PTPRN2: variants seen among roughly 807,000 people sequenced by gnomAD.
The protein encoded by PTPRN2 is receptor-type tyrosine-protein phosphatase N2.
A neutral mutation model predicts 118.8 loss-of-function variants in PTPRN2; 74 were observed. The ratio of observed to expected loss-of-function variants is 0.62; its 90% CI spans 0.52 to 0.76. The LOEUF (loss-of-function observed/expected upper bound fraction) is 0.76, where lower values mean the gene tolerates loss of function less well. Ranked by LOEUF, PTPRN2 falls within the 30% of genes least tolerant of loss-of-function variation. The pLI is 0.00. For missense variants in PTPRN2, 1,481 were observed against 1,394.4 expected (o/e 1.06, Z -0.99); for synonymous variants, 641 against 608.0 (o/e 1.05, Z -0.80).
chr7:158,090,323 G>A (rs909242218), intron 10 of PTPRN2, among the ~76,000 whole-genome samples: 1 of 152,244 alleles, frequency 6.6e-6, no homozygotes, highest in Non-Finnish European at 1.5e-5. Context: ...GCCGCTAGGA[G>A]TCATCTCCCA....
intron 12 of PTPRN2, among the ~76,000 whole-genome samples, chr7:157,877,197 C>CG: frequency 6.9e-6 from 1 of 144,020 alleles, no homozygotes; most frequent in Non-Finnish European, 1.5e-5. Flanking sequence ...TCGGGGACCC[C>CG]GGGTCCGAGT....
chr7:157,605,215 C>G (rs988145049), intron 15 of PTPRN2, among the ~76,000 whole-genome samples: 1 of 152,236 alleles, frequency 6.6e-6, no homozygotes, highest in Non-Finnish European at 1.5e-5. Context: ...CAGTCAGGCA[C>G]GCTGGGTGCT....
chr7:157,789,768 G>A (rs1585473387), intron 12 of PTPRN2, among the ~76,000 whole-genome samples: 1 of 150,260 alleles, frequency 6.7e-6, no homozygotes, highest in Admixed American at 6.6e-5. Context: ...GTATATGTGT[G>A]GTGTGTGTGT....
At chr7:158,071,026 A>T (rs1169518057) in intron 11 of PTPRN2, among the ~76,000 whole-genome samples, 3 of 36,474 alleles carry the variant, frequency 8.2e-5, no homozygotes, top group Admixed American at 3.6e-4. Context: ...CTCGTGGTGG[A>T]GGTGCTCTTA....
intron 21 of PTPRN2, among the ~76,000 whole-genome samples, chr7:157,565,115 A>G (rs1192444022): frequency 6.6e-6 from 1 of 152,248 alleles, no homozygotes; most frequent in Non-Finnish European, 1.5e-5. Context: ...AGATTCGCGG[A>G]AACAAAGAAG....
intron 3 of PTPRN2, among the ~76,000 whole-genome samples, chr7:158,295,863 T>C (rs1387239124): frequency 1.3e-5 from 2 of 152,264 alleles, no homozygotes. Context: ...CACATCTCCA[T>C]AGCACCCAGT....
chr7:157,992,098 G>A (rs919658235), intron 11 of PTPRN2, among the ~76,000 whole-genome samples: 1 of 152,198 alleles, frequency 6.6e-6, no homozygotes. Flanking sequence ...TGTGCCACCC[G>A]AGCTGTCAGG....
At chr7:157,594,767 G>A (rs572641813) in intron 17 of PTPRN2, among the ~76,000 whole-genome samples, 2 of 152,338 alleles carry the variant, frequency 1.3e-5, no homozygotes, top group East Asian at 3.9e-4. Flanking sequence ...ATTCACGTCA[G>A]CCCTCACGTC....
chr7:158,315,823 G>A (rs1264660672), intron 3 of PTPRN2, among the ~76,000 whole-genome samples: 1 of 152,240 alleles, frequency 6.6e-6, no homozygotes, highest in Non-Finnish European at 1.5e-5. Flanking sequence ...CCGTGTGAAT[G>A]TTCTCCAAAG....
chr7:157,555,619 T>A (rs1240113096), intron 21 of PTPRN2, among the ~76,000 whole-genome samples: 1 of 152,266 alleles, frequency 6.6e-6, no homozygotes, highest in Non-Finnish European at 1.5e-5. Flanking sequence ...GGATAATGAC[T>A]GCATGAGCGC....
chr7:158,584,405 G>A (rs556552604), intron 1 of PTPRN2, among the ~76,000 whole-genome samples: 13 of 152,166 alleles, frequency 8.5e-5, no homozygotes, highest in Non-Finnish European at 1.6e-4. Flanking sequence ...AAGGCGGGCC[G>A]GTCGGGAGGA....
chr7:157,987,040 T>G lies in PTPRN2; in HGVS notation c.1724-88303A>C, dbSNP rs1278243289. 6.6e-6 allele frequency among the ~76,000 whole-genome samples: 1 copy of G among 152,122 alleles called. No individual in the cohort carries two copies. The highest frequency in any genetic ancestry group is 1.5e-5 in the Non-Finnish European group (1 of 68,018). On this transcript the variant is annotated intron_variant, in intron 11 of 22. Transcript: ENST00000389418. This position sits in a 1 kb window ranked among gnomAD's most constrained non-coding sequence, Gnocchi z 4.3. ...TAACGGGTTCATGCACTGGAGTAGC[T>G]GCCGGTACACATCTAGGGAGTGATG...
At chr7:158,397,806 C>T (rs552463084) in intron 2 of PTPRN2, among the ~76,000 whole-genome samples, 3 of 152,290 alleles carry the variant, frequency 2.0e-5, no homozygotes, top group South Asian at 2.1e-4. Flanking sequence ...TGAATAAAAA[C>T]AGCTACATGC....
intron 6 of PTPRN2, among the ~76,000 whole-genome samples, chr7:158,164,865 G>A (rs1822787124): frequency 6.6e-6 from 1 of 152,160 alleles, no homozygotes; most frequent in South Asian, 2.1e-4. Context: ...ATGAGAAGCT[G>A]AAGGTCACCT....
intron 9 of PTPRN2, among the ~76,000 whole-genome samples, chr7:158,126,272 CCA>C (rs1439609075): frequency 1.4e-4 from 1 of 7,304 alleles, no homozygotes; most frequent in Admixed American, 8.4e-4. Flanking sequence ...ACACCAGCCC[CCA>C]GGACAGCGGG....
intron 3 of PTPRN2, among the ~76,000 whole-genome samples, chr7:158,294,678 G>T (rs1259256039): frequency 6.6e-6 from 1 of 151,688 alleles, no homozygotes; most frequent in Admixed American, 6.6e-5. Context: ...CCGGGGGAGA[G>T]TGAGAGGCAG....
intron 11 of PTPRN2, among the ~76,000 whole-genome samples, chr7:158,071,747 CATGGTGGAGGTG>C (rs1811824424): frequency 2.7e-5 from 2 of 74,842 alleles, no homozygotes; most frequent in East Asian, 3.8e-4. Flanking sequence ...TGGAGGTGCT[CATGGTGGAGGTG>C]CTCGTGGTGA....
At chr7:157,650,336 A>C (rs1471976199) in intron 14 of PTPRN2, among the ~76,000 whole-genome samples, 1 of 152,226 alleles carries the variant, frequency 6.6e-6, no homozygotes, top group African/African-American at 2.4e-5. Flanking sequence ...GTACCCCTCC[A>C]TGTGCAGGCC....
At chr7:157,718,936 T>C (rs1799086784) in intron 12 of PTPRN2, among the ~76,000 whole-genome samples, 1 of 152,166 alleles carries the variant, frequency 6.6e-6, no homozygotes, top group Non-Finnish European at 1.5e-5. Flanking sequence ...TAGCCTGCCA[T>C]GCCCCACCCC....
Sources: allele counts gnomAD v4.1 joint callset (sites outside exome capture counted in the v4.1 genomes callset), GRCh38; gene constraint gnomAD v4.1.1; non-coding constraint Gnocchi (gnomAD v3.1); transcripts MANE v1.5; gene names NCBI Gene and HGNC (gene_info 2026-07-23, HGNC 2026-07-21).